RORA: variants seen among roughly 807,000 people sequenced by gnomAD.
RORA encodes the protein nuclear receptor ROR-alpha.
Under a neutral mutation model 69.5 loss-of-function variants are expected in RORA, and 7 were observed. The ratio of observed to expected loss-of-function variants is 0.10; its 90% CI spans 0.06 to 0.19. The LOEUF is 0.19. RORA is among the 10% of genes least tolerant of loss of function. The pLI is 1.00. For synonymous variants in RORA, 261 were observed against 240.8 expected, an observed-to-expected ratio of 1.08 and a Z score of -0.78; for missense variants, 457 against 663.0, an observed-to-expected ratio of 0.69 and a Z score of 3.41.
At chr15:60,760,061 T>G (rs1488737189) in intron 1 of RORA, among the ~76,000 whole-genome samples, 2 of 152,332 alleles carry the variant, frequency 1.3e-5, no homozygotes, top group East Asian at 3.9e-4. Flanking sequence ...CCCTGAATAT[T>G]TTATAAAAAG....
At chr15:61,209,966 T>A (rs915816947) in intron 1 of RORA, among the ~76,000 whole-genome samples, 3 of 151,726 alleles carry the variant, frequency 2.0e-5, no homozygotes, top group Admixed American at 1.3e-4. Flanking sequence ...TAGCTCAACT[T>A]CCCCGCCACA....
In RORA at chr15:60,490,351, T is replaced by G. The variant is rs553663817; in HGVS notation, c.*7104A>C. ...CTAAACAGCTATGTCTAAAATAGATTATATAGTAAAACCGGTATTATACAG... is the reference window on the plus strand; with the variant it reads ...CTAAACAGCTATGTCTAAAATAGATGATATAGTAAAACCGGTATTATACAG... On this transcript the variant is annotated 3_prime_UTR_variant, in exon 11 of 11. Coordinates refer to ENST00000335670, the MANE Select transcript of RORA (RefSeq NM_134261.3). The surrounding 1 kb of genome is among the most constrained non-coding windows in gnomAD (Gnocchi z 4.1). 6 of 152,056 alleles carry G rather than the reference T, an allele frequency of 3.9e-5. No homozygotes were observed. The highest frequency in any genetic ancestry group is 8.8e-5 in the Non-Finnish European group (6 of 67,970). The allele number at this position is 152,056 out of a possible 1,614,324, so 9.4% of individuals were successfully genotyped here.
rs1456143850 is a variant in RORA at position 60,534,333 on chromosome 15, G to A, written c.197-2482C>T. Among the ~76,000 whole-genome samples the A allele has an allele frequency of 6.6e-6, 1 of 152,152 alleles. No individual in the cohort carries two copies. The highest frequency in any genetic ancestry group is 2.4e-5 in the African/African-American group (1 of 41,428). The stretch of plus-strand genomic sequence containing the variant: ...GTTGTAGTACAGACCCCAGAGTTTG[G>A]TGCCACTGTGACACAGGACTGATGG... On this transcript the variant is annotated intron_variant, in intron 2 of 10. Coordinates refer to ENST00000335670, the MANE Select transcript of RORA (RefSeq NM_134261.3). The surrounding 1 kb of genome is among the most constrained non-coding windows in gnomAD (Gnocchi z 5.0).
intron 1 of RORA, among the ~76,000 whole-genome samples, chr15:60,742,952 T>C (rs1454184221): frequency 1.3e-5 from 2 of 151,612 alleles, no homozygotes; most frequent in African/African-American, 2.4e-5. Context: ...GCAATGAAAA[T>C]GGGGAGGCAG....
chr15:60,816,529 C>A (rs1184155329), intron 1 of RORA, among the ~76,000 whole-genome samples: 45 of 78,842 alleles, frequency 5.7e-4, no homozygotes, highest in African/African-American at 2.2e-3. Context: ...TATTTATATA[C>A]TGTAAACAGT....
At chr15:61,186,438 C>T (rs7168298) in intron 1 of RORA, among the ~76,000 whole-genome samples, 35,422 of 151,634 alleles carry the variant, frequency 0.23, 4,421 homozygotes, top group South Asian at 0.37. Flanking sequence ...GTCAGGAGTT[C>T]GAGACCAGCC....
At chr15:60,680,898 C>A (rs2140752673) in intron 1 of RORA, among the ~76,000 whole-genome samples, 1 of 152,242 alleles carries the variant, frequency 6.6e-6, no homozygotes, top group African/African-American at 2.4e-5. Flanking sequence ...ACACTCCTGA[C>A]ACAAGAGCAA....
At chr15:60,844,724 T>C (rs1199128554) in intron 1 of RORA, among the ~76,000 whole-genome samples, 1 of 152,144 alleles carries the variant, frequency 6.6e-6, no homozygotes, top group Non-Finnish European at 1.5e-5. Context: ...CAACTTTTCA[T>C]GAAACAGACA....
In RORA at chr15:61,131,400, C is replaced by T. The variant is rs2079188783; in HGVS notation, c.166+97653G>A. On this transcript the variant is annotated intron_variant, in intron 1 of 10. Transcript: ENST00000335670. The surrounding 1 kb of genome is among the most constrained non-coding windows in gnomAD (Gnocchi z 4.2). ...TTCTAGCAGATTTCAGCAGCATTTG[C>T]TGGAGCAAGGTGACTCCAGCATTTC... Among the ~76,000 whole-genome samples, 1 of 152,160 alleles carries T rather than the reference C, an allele frequency of 6.6e-6. No homozygotes were observed. The highest frequency in any genetic ancestry group is 2.4e-5 in the African/African-American group (1 of 41,456).
intron 1 of RORA, among the ~76,000 whole-genome samples, chr15:60,833,271 A>G (rs1270411545): frequency 6.6e-6 from 1 of 151,538 alleles, no homozygotes; most frequent in Admixed American, 6.6e-5. Flanking sequence ...GCTGGAGTGC[A>G]GTGGTGCTAT....
chr15:60,735,561 T>A (rs1175246178), intron 1 of RORA, among the ~76,000 whole-genome samples: 3 of 146,880 alleles, frequency 2.0e-5, no homozygotes, highest in African/African-American at 7.8e-5. Context: ...ATGCTAAGCA[T>A]CACAGGGAAA....
chr15:60,960,707 C>T (rs1893394064), intron 1 of RORA, among the ~76,000 whole-genome samples: 1 of 151,680 alleles, frequency 6.6e-6, no homozygotes, highest in South Asian at 2.1e-4. Context: ...CAAATTCCTC[C>T]AAATGACTTC....
At chr15:60,982,019 A>T (rs1457134899) in intron 1 of RORA, among the ~76,000 whole-genome samples, 3 of 152,208 alleles carry the variant, frequency 2.0e-5, no homozygotes, top group African/African-American at 4.8e-5. Flanking sequence ...CTTCCATAAA[A>T]TCTGTATTCT....
intron 1 of RORA, among the ~76,000 whole-genome samples, chr15:60,709,778 T>C (rs571220145): frequency 6.6e-5 from 10 of 152,150 alleles, no homozygotes; most frequent in African/African-American, 2.4e-4. Context: ...TATTACAATG[T>C]AATAATAATA....
At chr15:61,083,821 A>G (rs1011423600) in intron 1 of RORA, among the ~76,000 whole-genome samples, 5 of 152,032 alleles carry the variant, frequency 3.3e-5, no homozygotes, top group Non-Finnish European at 5.9e-5. Flanking sequence ...TCTCTTGTTT[A>G]TCAAGTCTAA....
At chr15:60,814,611 C>A (rs2072784888) in intron 1 of RORA, among the ~76,000 whole-genome samples, 1 of 152,108 alleles carries the variant, frequency 6.6e-6, no homozygotes, top group Non-Finnish European at 1.5e-5. Context: ...AGGGGCTGCA[C>A]CAGTGGATGC....
intron 2 of RORA, chr15:60,615,158 A>G (rs934982869): frequency 1.0e-5 from 12 of 1,147,600 alleles, no homozygotes; most frequent in Non-Finnish European, 1.5e-5. Flanking sequence ...TCCTCATCTT[A>G]GTGCTAGTGC....
intron 2 of RORA, among the ~76,000 whole-genome samples, chr15:60,580,999 C>G (rs912506069): frequency 2.0e-5 from 3 of 152,190 alleles, no homozygotes; most frequent in Admixed American, 6.5e-5. Flanking sequence ...GGGCTGTGCT[C>G]AAATATAACT....
At position 61,075,158 on chromosome 15, in the gene RORA, T is replaced by C. The variant is rs150539895; in HGVS notation, c.166+153895A>G. 7.3e-4 allele frequency among the ~76,000 whole-genome samples: 111 copies of C among 152,188 alleles called. 4 individuals are homozygous for C. The East Asian group carries it at 0.021, about 29-fold the overall frequency. ...ATTCAGCATGGACTACTACTATTATTTGAAACTACTAACAAATGGAGCTAG... is the reference window on the plus strand; with the variant it reads ...ATTCAGCATGGACTACTACTATTATCTGAAACTACTAACAAATGGAGCTAG... On this transcript the variant is annotated intron_variant, in intron 1 of 10. Transcript: ENST00000335670.
Sources: allele counts gnomAD v4.1 joint callset (sites outside exome capture counted in the v4.1 genomes callset), GRCh38; gene constraint gnomAD v4.1.1; non-coding constraint Gnocchi (gnomAD v3.1); transcripts MANE v1.5; gene names NCBI Gene and HGNC (gene_info 2026-07-23, HGNC 2026-07-21).